The following ZNF716 variants were observed in gnomAD, a reference collection of about 807,000 sequenced individuals.
ZNF716 encodes zinc finger protein 716.
Under a neutral mutation model 13.4 loss-of-function variants are expected in ZNF716, and 9 were observed. That is an observed-to-expected ratio of 0.67 (90% confidence interval 0.41 to 1.18). ZNF716 has a LOEUF of 1.18. ZNF716 is among the 50% of genes most tolerant of loss of function. The pLI, the probability that ZNF716 is intolerant of heterozygous loss-of-function variation, is 0.01. For synonymous variants in ZNF716, 186 were observed against 195.2 expected, an observed-to-expected ratio of 0.95 and a Z score of 0.39; for missense variants, 581 against 576.6, an observed-to-expected ratio of 1.01 and a Z score of -0.08.
Position 57,473,417 on chromosome 7 carries a change from G to A in ZNF716, c.*3468G>A, listed in dbSNP as rs1291878103. The A allele has an allele frequency of 2.0e-5, 3 of 152,118 alleles. No homozygotes were observed. Among genetic ancestry groups the A allele is most frequent in the African/African-American group, 7.2e-5 (3 of 41,416 alleles). 9.4% of individuals were successfully genotyped at this position (152,118 alleles called of 1,614,324 possible). A position where few individuals can be genotyped will look rare whatever the true frequency, so the allele number is the denominator to read the frequency against. The stretch of plus-strand genomic sequence containing the variant: ...TGCCCATGGTCCCAGTTACTCAGGA[G>A]GCTGAGGCAGGAGAATTGCTTGAAC... On this transcript the variant is annotated 3_prime_UTR_variant, in exon 4 of 4. Coordinates refer to ENST00000420713, the MANE Select transcript of ZNF716 (RefSeq NM_001159279.1).
At chr7:57,457,555 G>A (rs1279530958) in intron 1 of ZNF716, among the ~76,000 whole-genome samples, 1 of 152,088 alleles carries the variant, frequency 6.6e-6, no homozygotes, top group Non-Finnish European at 1.5e-5. Context: ...TGGTGGCCAG[G>A]CTGGTCTCGA....
chr7:57,462,707 G>A lies in ZNF716; in HGVS notation c.166+121G>A. ...GCTCTCCAGTTTTAAGAAAATCTTGGGGATTCATTGGTATATAGCAAATTC... is the reference window on the plus strand; with the variant it reads ...GCTCTCCAGTTTTAAGAAAATCTTGAGGATTCATTGGTATATAGCAAATTC... On this transcript the variant is annotated intron_variant, in intron 2 of 3. Transcript: ENST00000420713. 11 of 1,196,884 alleles carry A rather than the reference G, an allele frequency of 9.2e-6. 2 individuals are homozygous for A. In the South Asian group the frequency reaches 1.7e-4, roughly 18 times the overall value. The allele number at this position is 1,196,884 out of a possible 1,614,324, so 74.1% of individuals were successfully genotyped here.
intron 1 of ZNF716, among the ~76,000 whole-genome samples, chr7:57,461,984 A>T (rs1362163284): frequency 6.6e-6 from 1 of 152,006 alleles, no homozygotes; most frequent in East Asian, 1.9e-4. Flanking sequence ...ACATTGTGAA[A>T]CCCTGTCTCT....
rs1436045927 is a variant in ZNF716 at position 57,469,153 on chromosome 7, A to G, written c.692A>G (p.His231Arg). 1 of 1,611,898 alleles carries G rather than the reference A, an allele frequency of 6.2e-7. No homozygotes were observed. The highest frequency in any genetic ancestry group is 8.5e-7 in the Non-Finnish European group (1 of 1,178,938). ...AACTGCTCTTCAACCCTTACTAGAC[A>G]TAAAAGAATTCATACTGGAGAGAAA... is the stretch of plus-strand genomic sequence containing the variant. ...SFNCSSTLTRHKRIHTGEKPY... is the reference protein window; with the variant it reads ...SFNCSSTLTRRKRIHTGEKPY... The change falls in exon 4 of 4, where the codon CAT (histidine) becomes CGT (arginine). Residue 231 changes from histidine to arginine, a missense_variant. By Grantham distance (29) the His-to-Arg change is conservative. Transcript: ENST00000420713.
intron 3 of ZNF716, among the ~76,000 whole-genome samples, chr7:57,467,501 A>G (rs1355087844): frequency 2.6e-5 from 4 of 151,028 alleles, no homozygotes; most frequent in Non-Finnish European, 5.9e-5. Context: ...TATTCTCACC[A>G]TGAAGATTTT....
At position 57,468,928 on chromosome 7, in the gene ZNF716, C is replaced by A; in HGVS notation, c.467C>A (p.Thr156Lys). 4 of 1,612,122 alleles carry A rather than the reference C, an allele frequency of 2.5e-6. No homozygotes were observed. Among genetic ancestry groups the A allele is most frequent in the Non-Finnish European group, 3.4e-6 (4 of 1,178,970 alleles). Residue 156 changes from threonine to lysine, a missense_variant, in exon 4 of 4, where the codon ACA becomes AAA. Physicochemically the swap from Thr to Lys is moderately conservative, Grantham distance 78. Transcript: ENST00000420713. ...NQCLSATQNK[T>K]FQTHKCVKVF... The stretch of plus-strand genomic sequence containing the variant: ...TGTTTGTCAGCTACCCAAAACAAAA[C>A]ATTTCAGACTCATAAATGCGTCAAA...
chr7:57,458,373 A>AT (rs1554322412), intron 1 of ZNF716, among the ~76,000 whole-genome samples: 10 of 151,434 alleles, frequency 6.6e-5, no homozygotes, highest in Middle Eastern at 3.4e-3. Flanking sequence ...GTAGTGTTTT[A>AT]TCTTTCACCA....
Position 57,469,358 on chromosome 7 carries a change from A to G in ZNF716, c.897A>G (p.Glu299=). The change falls in exon 4 of 4, where the codon GAA becomes GAG. Residue 299 remains glutamate (E), a synonymous_variant. Transcript: ENST00000420713. ...CTGGAGAGAAACCCTACACATGTGA[A>G]GAATGTGGCAAAGCCTTTAGCCGCT... ...IHTGEKPYTC[E]ECGKAFSRSS... is the part of the protein sequence containing the mutation. 3.7e-6 allele frequency: 6 copies of G among 1,613,742 alleles called. No individual in the cohort carries two copies. The South Asian group carries it at 6.6e-5, about 18-fold the overall frequency.
Position 57,471,638 on chromosome 7 carries a change from G to A in ZNF716, c.*1689G>A, listed in dbSNP as rs1177055996. The A allele has an allele frequency of 1.3e-5, 2 of 152,130 alleles. No homozygotes were observed. The highest frequency in any genetic ancestry group is 2.9e-5 in the Non-Finnish European group (2 of 68,032). The allele number at this position is 152,130 out of a possible 1,614,324, so 9.4% of individuals were successfully genotyped here. A position where few individuals can be genotyped will look rare whatever the true frequency, so the allele number is the denominator to read the frequency against. On this transcript the variant is annotated 3_prime_UTR_variant, in exon 4 of 4. Transcript: ENST00000420713. Reference sequence around the variant, plus strand: ...GTTGAACATCGGAGAATTTATATTGGAGAGAAAGTGTAAATGAATGTCAAA... The same window carrying A: ...GTTGAACATCGGAGAATTTATATTGAAGAGAAAGTGTAAATGAATGTCAAA...
rs781880584 is a variant in ZNF716, at chr7:57,462,492, A to G, written c.72A>G (p.Glu24=). 1.9e-6 allele frequency: 3 copies of G among 1,613,762 alleles called. No individual in the cohort carries two copies. The highest frequency in any genetic ancestry group is 2.5e-6 in the Non-Finnish European group (3 of 1,179,976). ...TGACATTCAGAGACATAGCTATAGA[A>G]TTTTCTCTGGCGGAATGGCAATGCC... ...GLLTFRDIAI[E]FSLAEWQCLD... is the part of the protein sequence containing the mutation. The change falls in exon 2 of 4, where the codon GAA becomes GAG. Residue 24 remains glutamate, a synonymous_variant. Transcript: ENST00000420713.
intron 3 of ZNF716, 49 bp from the exon 4 acceptor site, chr7:57,468,669 ATATATT>A: frequency 6.5e-7 from 1 of 1,529,362 alleles, no homozygotes; most frequent in South Asian, 1.3e-5. Flanking sequence ...GATTTGCAAA[ATATATT>A]TATCTGAGTG....
At position 57,461,380 on chromosome 7, in the gene ZNF716, G is replaced by C. The variant is rs561070297; in HGVS notation, c.40-1080G>C. On this transcript the variant is annotated intron_variant, in intron 1 of 3. Coordinates refer to ENST00000420713, the MANE Select transcript of ZNF716 (RefSeq NM_001159279.1). ...CAGCACATAATAAAAATGTGTCCCA[G>C]TACAGTTGATAACAATTTTATTCAC... Among the ~76,000 whole-genome samples the C allele has an allele frequency of 1.2e-4, 18 of 152,282 alleles. No homozygotes were observed. In the South Asian group the frequency reaches 3.5e-3, roughly 30 times the overall value.
At chr7:57,460,394 CA>C (rs71565809) in intron 1 of ZNF716, among the ~76,000 whole-genome samples, 856 of 85,494 alleles carry the variant, frequency 0.01, 6 homozygotes, top group African/African-American at 0.033. Flanking sequence ...GACTGTGTCT[CA>C]AAAAAAAAAA....
intron 3 of ZNF716, among the ~76,000 whole-genome samples, chr7:57,463,904 C>T (rs1464664026): frequency 3.3e-5 from 5 of 151,930 alleles, no homozygotes; most frequent in African/African-American, 7.3e-5. Flanking sequence ...ACACAGGTTT[C>T]AATTGCTTTA....
rs78027092 is a variant in ZNF716, at chr7:57,454,448, A to G, written c.39+4121A>G. On this transcript the variant is annotated intron_variant, in intron 1 of 3. Coordinates refer to ENST00000420713, the MANE Select transcript of ZNF716 (RefSeq NM_001159279.1). The stretch of plus-strand genomic sequence containing the variant: ...AGCCTGAGCCCTGTGACTCCAAGCT[A>G]TGAGCAATATGGAGCCTGCAAAAGG... Among the ~76,000 whole-genome samples, 927 of 152,288 alleles carry G rather than the reference A, an allele frequency of 6.1e-3. 7 individuals are homozygous for G. Among genetic ancestry groups the G allele is most frequent in the African/African-American group, 0.02 (833 of 41,564 alleles).
At chr7:57,452,837 A>T (rs1272964661) in intron 1 of ZNF716, among the ~76,000 whole-genome samples, 1 of 152,030 alleles carries the variant, frequency 6.6e-6, no homozygotes, top group Admixed American at 6.6e-5. Context: ...CTGCTTGGGG[A>T]TAAACCAAGA....
Position 57,470,780 on chromosome 7 carries a change from T to C in ZNF716, c.*831T>C, listed in dbSNP as rs573687397. The C allele has an allele frequency of 6.6e-6, 1 of 152,154 alleles. No individual in the cohort carries two copies. The highest frequency in any genetic ancestry group is 2.1e-4 in the South Asian group (1 of 4,828). The allele number at this position is 152,154 out of a possible 1,614,324, so 9.4% of individuals were successfully genotyped here. A position where few individuals can be genotyped will look rare whatever the true frequency, so the allele number is the denominator to read the frequency against. ...TCTCCATCTTTATTAATTAAAATAT[T>C]TTATACTGGAGAGAAACTCTACATA... On this transcript the variant is annotated 3_prime_UTR_variant, in exon 4 of 4. Coordinates refer to ENST00000420713, the MANE Select transcript of ZNF716 (RefSeq NM_001159279.1).
chr7:57,452,395 G>A (rs1554321686), intron 1 of ZNF716, among the ~76,000 whole-genome samples: 1 of 152,038 alleles, frequency 6.6e-6, no homozygotes, highest in African/African-American at 2.4e-5. Context: ...AGCACTTTGG[G>A]AGACTGAGGC....
intron 1 of ZNF716, among the ~76,000 whole-genome samples, chr7:57,460,627 C>T (rs1265422155): frequency 6.6e-6 from 1 of 152,052 alleles, no homozygotes. Flanking sequence ...GCAGAATTCT[C>T]ACCACAAATT....
Sources: gnomAD v4.1 joint callset for allele counts (sites outside exome capture counted in the v4.1 genomes callset) on GRCh38, gnomAD v4.1.1 for gene constraint, MANE v1.5 for transcripts, NCBI Gene and HGNC (gene_info 2026-07-23, HGNC 2026-07-21) for gene names.